RGPD2: variants seen among roughly 807,000 people sequenced by gnomAD.
RGPD2 encodes RANBP2-like and GRIP domain-containing protein 2.
RGPD2 carries 2 observed loss-of-function variants against 36.0 expected under a neutral mutation model. The ratio of observed to expected loss-of-function variants is 0.06; its 90% CI spans 0.02 to 0.17. The LOEUF is 0.17. Among genes scored for constraint, RGPD2 ranks in the 10% least tolerant of loss-of-function variants. RGPD2 has a pLI of 1.00. For synonymous variants in RGPD2, 19 were observed against 163.8 expected, an observed-to-expected ratio of 0.12 and a Z score of 6.75; for missense variants, 40 against 464.3, an observed-to-expected ratio of 0.09 and a Z score of 8.40.
the RGPD2 span, among the ~76,000 whole-genome samples, chr2:87,921,867 C>T: frequency 6.6e-6 from 1 of 151,956 alleles, no homozygotes; most frequent in African/African-American, 2.4e-5. Flanking sequence ...GAAGTGGAAG[C>T]CTGGAGGCAT....
the RGPD2 span, among the ~76,000 whole-genome samples, chr2:87,918,431 T>C: frequency 6.6e-6 from 1 of 151,454 alleles, no homozygotes; most frequent in Non-Finnish European, 1.5e-5. Flanking sequence ...AATATCAACT[T>C]AAAGATTTCC....
At chr2:87,986,412 T>G in the RGPD2 span, among the ~76,000 whole-genome samples, 1 of 150,664 alleles carries the variant, frequency 6.6e-6, no homozygotes, top group Non-Finnish European at 1.5e-5. Flanking sequence ...GGATTACAGG[T>G]GTGAGCCACT....
chr2:87,905,301 AC>A, the RGPD2 span, among the ~76,000 whole-genome samples: 4 of 152,248 alleles, frequency 2.6e-5, no homozygotes, highest in Non-Finnish European at 5.9e-5. Context: ...TCTGCAGTTC[AC>A]AGGATTCTTC....
the RGPD2 span, among the ~76,000 whole-genome samples, chr2:87,913,405 A>G: frequency 2.6e-5 from 4 of 151,912 alleles, no homozygotes; most frequent in African/African-American, 7.3e-5. Context: ...GGGTTGGGGA[A>G]GGGAGGAGGG....
rs1191233066 is a variant in RGPD2 at position 87,825,142 on chromosome 2, A to G, written c.72+516T>C. The stretch of plus-strand genomic sequence containing the variant: ...GTTCGCTTCATTCATTGCCCCCACA[A>G]TCCTAGGTCTGCCCGCCGCAGTACT... On this transcript the variant is annotated intron_variant, in intron 1 of 22. Coordinates refer to ENST00000398146, the MANE Select transcript of RGPD2 (RefSeq NM_001078170.3). The G allele has an allele frequency of 5.7e-5, 22 of 388,216 alleles. No individual in the cohort carries two copies. The East Asian group carries it at 7.7e-4, about 14-fold the overall frequency. 24.0% of individuals were successfully genotyped at this position (388,216 alleles called of 1,614,324 possible). A position where few individuals can be genotyped will look rare whatever the true frequency, so the allele number is the denominator to read the frequency against.
chr2:87,929,129 C>T, the RGPD2 span, among the ~76,000 whole-genome samples: 87 of 152,012 alleles, frequency 5.7e-4, no homozygotes, highest in Middle Eastern at 3.4e-3. Context: ...TTGCCCATGC[C>T]TATATCCTGA....
chr2:87,881,855 T>C, the RGPD2 span, among the ~76,000 whole-genome samples: 9 of 152,350 alleles, frequency 5.9e-5, no homozygotes, highest in East Asian at 1.2e-3. Flanking sequence ...AACTAGGTTT[T>C]ATTGCCTCAT....
chr2:87,933,769 A>G, the RGPD2 span, among the ~76,000 whole-genome samples: 11 of 148,282 alleles, frequency 7.4e-5, no homozygotes, highest in Non-Finnish European at 1.5e-4. Context: ...CAGCTCTATC[A>G]ATCAGGTCAG....
the RGPD2 span, among the ~76,000 whole-genome samples, chr2:87,915,574 A>ATG: frequency 7.0e-6 from 1 of 143,100 alleles, no homozygotes; most frequent in Non-Finnish European, 1.5e-5. Flanking sequence ...ATACACATAT[A>ATG]TGTGTGTGTA....
the RGPD2 span, among the ~76,000 whole-genome samples, chr2:87,868,542 CA>C: frequency 1.5e-5 from 2 of 137,814 alleles, no homozygotes; most frequent in African/African-American, 5.5e-5. Context: ...AAAGTATAAG[CA>C]AAAAAGCCCT....
the RGPD2 span, among the ~76,000 whole-genome samples, chr2:87,866,451 T>C: frequency 6.6e-6 from 1 of 152,184 alleles, no homozygotes; most frequent in Non-Finnish European, 1.5e-5. Flanking sequence ...AATTGCTATG[T>C]TATAACATCA....
the RGPD2 span, among the ~76,000 whole-genome samples, chr2:87,967,491 T>C: frequency 6.7e-6 from 1 of 150,044 alleles, no homozygotes; most frequent in Non-Finnish European, 1.5e-5. Flanking sequence ...CCCCATCCAA[T>C]GCAAGATGGA....
upstream of RGPD2, chr2:87,825,961 G>C: frequency 1.9e-6 from 1 of 521,220 alleles, no homozygotes; most frequent in East Asian, 4.1e-5. Context: ...TGCCCGCCGG[G>C]CGCCGTGGCT....
At chr2:87,769,780 T>C (rs961836786) in intron 22 of RGPD2, among the ~76,000 whole-genome samples, 48 of 150,376 alleles carry the variant, frequency 3.2e-4, no homozygotes, top group Non-Finnish European at 7.5e-5. Flanking sequence ...ATTTCTGTCT[T>C]GTTTTTTATA....
chr2:87,951,145 AT>A, the RGPD2 span, among the ~76,000 whole-genome samples: 4 of 132,004 alleles, frequency 3.0e-5, no homozygotes, highest in Non-Finnish European at 6.4e-5. Flanking sequence ...CTCCTAATTC[AT>A]TAGTCCTACC....
intron 20 of RGPD2, among the ~76,000 whole-genome samples, chr2:87,781,436 T>C (rs1685395209): frequency 7.8e-6 from 1 of 128,416 alleles, no homozygotes; most frequent in Admixed American, 7.9e-5. Flanking sequence ...TGAGAACATC[T>C]CAATATCATG....
At chr2:87,875,299 C>A in the RGPD2 span, among the ~76,000 whole-genome samples, 1 of 152,152 alleles carries the variant, frequency 6.6e-6, no homozygotes, top group Non-Finnish European at 1.5e-5. Context: ...AAGGGAAATG[C>A]CTCTAGCTTT....
chr2:87,869,889 C>T, the RGPD2 span, among the ~76,000 whole-genome samples: 1 of 152,248 alleles, frequency 6.6e-6, no homozygotes, highest in Non-Finnish European at 1.5e-5. Flanking sequence ...AAAACTTTCA[C>T]TTTCTTTGTT....
At chr2:87,973,219 C>G in the RGPD2 span, 15 of 1,608,924 alleles carry the variant, frequency 9.3e-6, no homozygotes, top group African/African-American at 2.0e-4. Context: ...GAGTGCCCTC[C>G]CTCATCAGGA....
Sources: allele counts gnomAD v4.1 joint callset (sites outside exome capture counted in the v4.1 genomes callset), GRCh38; gene constraint gnomAD v4.1.1; transcripts MANE v1.5; gene names NCBI Gene and HGNC (gene_info 2026-07-23, HGNC 2026-07-21).